The following CACNB2 variants were observed in gnomAD, a reference collection of about 807,000 sequenced individuals.
CACNB2 encodes voltage-dependent L-type calcium channel subunit beta-2.
Under a neutral mutation model 73.3 loss-of-function variants are expected in CACNB2, and 42 were observed. The ratio of observed to expected loss-of-function variants is 0.57; its 90% CI spans 0.45 to 0.74. The LOEUF is 0.74. Among genes scored for constraint, CACNB2 ranks in the 30% least tolerant of loss-of-function variants. The probability of loss-of-function intolerance (pLI) is 0.00; values close to 1 mark genes in which losing one functional copy is unlikely to be tolerated. For missense variants in CACNB2, 940 were observed against 853.0 expected, an observed-to-expected ratio of 1.10 and a Z score of -1.27; for synonymous variants, 348 against 310.3, an observed-to-expected ratio of 1.12 and a Z score of -1.28.
chr10:18,498,485 G>T lies in CACNB2; in HGVS notation c.456+8G>T, dbSNP rs770350965. On this transcript the variant is annotated splice_region_variant and intron_variant, in intron 4 of 13. Coordinates refer to ENST00000324631, the MANE Select transcript of CACNB2 (RefSeq NM_201596.3). The stretch of plus-strand genomic sequence containing the variant: ...TTTCTGCATGTTAAGGAAGTAAGGA[G>T]AATAATTTCATTTTCTAACAGCATG... 1 of 1,613,728 alleles carries T rather than the reference G, an allele frequency of 6.2e-7. No homozygotes were observed. The highest frequency in any genetic ancestry group is 2.2e-5 in the East Asian group (1 of 44,872).
chr10:18,500,234 G>A (rs1378448431), intron 4 of CACNB2, among the ~76,000 whole-genome samples: 1 of 152,114 alleles, frequency 6.6e-6, no homozygotes. Context: ...TTATTCAATC[G>A]AGGAAAAAGA....
chr10:18,449,458 G>A (rs908112701), intron 3 of CACNB2, among the ~76,000 whole-genome samples: 1 of 152,126 alleles, frequency 6.6e-6, no homozygotes, highest in South Asian at 2.1e-4. Flanking sequence ...GCAACAAGTC[G>A]GGAGGAACTT....
chr10:18,183,001 T>G (rs1396826530), intron 2 of CACNB2, among the ~76,000 whole-genome samples: 1 of 152,026 alleles, frequency 6.6e-6, no homozygotes, highest in Non-Finnish European at 1.5e-5. Context: ...GTAACATCTT[T>G]TTTTTTTTAA....
At chr10:18,384,798 TA>T (rs200615491) in intron 2 of CACNB2, among the ~76,000 whole-genome samples, 364 of 138,680 alleles carry the variant, frequency 2.6e-3, no homozygotes, top group Middle Eastern at 3.6e-3. Flanking sequence ...ATGAACATGG[TA>T]AAAAAAAAAA....
intron 2 of CACNB2, among the ~76,000 whole-genome samples, chr10:18,186,240 A>T (rs1588650385): frequency 6.6e-6 from 1 of 151,946 alleles, no homozygotes; most frequent in Non-Finnish European, 1.5e-5. Context: ...ACCAACATGG[A>T]GAAACCCCAT....
chr10:18,446,135 A>C (rs1224753939), intron 3 of CACNB2, among the ~76,000 whole-genome samples: 1 of 152,180 alleles, frequency 6.6e-6, no homozygotes, highest in Non-Finnish European at 1.5e-5. Flanking sequence ...AAATAAAGAA[A>C]CAGCCACAGC....
chr10:18,417,171 G>T (rs12783774), intron 3 of CACNB2, among the ~76,000 whole-genome samples: 2 of 138,266 alleles, frequency 1.4e-5, no homozygotes, highest in Non-Finnish European at 3.1e-5. Flanking sequence ...CTATTAAGAC[G>T]ATTTTAAAAG....
intron 2 of CACNB2, among the ~76,000 whole-genome samples, chr10:18,270,766 C>T (rs997888896): frequency 5.3e-5 from 8 of 152,154 alleles, no homozygotes; most frequent in African/African-American, 1.2e-4. Context: ...CTACCTTATC[C>T]TAATTATCCC....
intron 2 of CACNB2, among the ~76,000 whole-genome samples, chr10:18,378,364 A>G (rs1159871291): frequency 2.6e-5 from 4 of 152,236 alleles, no homozygotes; most frequent in Non-Finnish European, 4.4e-5. Flanking sequence ...TCTGCTTTTT[A>G]TAATTCTGTA....
intron 2 of CACNB2, among the ~76,000 whole-genome samples, chr10:18,282,617 G>C (rs1331747955): frequency 6.6e-6 from 1 of 152,158 alleles, no homozygotes; most frequent in African/African-American, 2.4e-5. Flanking sequence ...CACTCTTTCT[G>C]GCAAATATGA....
At chr10:18,214,748 C>G (rs1009352888) in intron 2 of CACNB2, among the ~76,000 whole-genome samples, 2 of 151,776 alleles carry the variant, frequency 1.3e-5, no homozygotes, top group Non-Finnish European at 2.9e-5. Context: ...ATTGTAGGAT[C>G]CTGGTGAGAG....
chr10:18,269,977 G>A (rs2037980777), intron 2 of CACNB2, among the ~76,000 whole-genome samples: 1 of 152,124 alleles, frequency 6.6e-6, no homozygotes, highest in Admixed American at 6.5e-5. Flanking sequence ...CCTAGTGCAG[G>A]CTGTTATTTT....
chr10:18,424,740 T>C (rs2045510428), intron 3 of CACNB2, among the ~76,000 whole-genome samples: 1 of 152,146 alleles, frequency 6.6e-6, no homozygotes, highest in Non-Finnish European at 1.5e-5. Context: ...AAGGTGTTCT[T>C]TTGAGACTGC....
intron 6 of CACNB2, among the ~76,000 whole-genome samples, chr10:18,508,112 C>G (rs903060987): frequency 2.6e-5 from 4 of 151,940 alleles, no homozygotes; most frequent in African/African-American, 9.7e-5. Context: ...GCTTTTTTTG[C>G]AATTCAAACC....
intron 2 of CACNB2, among the ~76,000 whole-genome samples, chr10:18,177,567 A>G (rs912627464): frequency 6.6e-6 from 1 of 151,792 alleles, no homozygotes; most frequent in African/African-American, 2.4e-5. Context: ...AGACACAGCA[A>G]GACTCCATCT....
intron 2 of CACNB2, among the ~76,000 whole-genome samples, chr10:18,187,585 CT>C (rs1028334541): frequency 5.3e-5 from 8 of 150,552 alleles, no homozygotes; most frequent in Non-Finnish European, 7.4e-5. Context: ...TTATATTTTT[CT>C]TTTTTTTTAA....
chr10:18,265,143 C>T (rs989918095), intron 2 of CACNB2, among the ~76,000 whole-genome samples: 1 of 146,430 alleles, frequency 6.8e-6, no homozygotes, highest in African/African-American at 2.5e-5. Flanking sequence ...ACCATTTGGC[C>T]ATCTTCTTTT....
intron 5 of CACNB2, among the ~76,000 whole-genome samples, chr10:18,502,526 T>TAA (rs113303130): frequency 7.6e-6 from 1 of 132,034 alleles, no homozygotes; most frequent in Admixed American, 7.7e-5. Flanking sequence ...CCGTCTCTAC[T>TAA]AAAAAAAAAA....
At chr10:18,261,359 A>G (rs1386625027) in intron 2 of CACNB2, 2 of 1,551,392 alleles carry the variant, frequency 1.3e-6, no homozygotes, top group African/African-American at 2.7e-5. Context: ...GGAGCTGAAA[A>G]TACTATTCGT....
Sources: allele counts gnomAD v4.1 joint callset (sites outside exome capture counted in the v4.1 genomes callset), GRCh38; gene constraint gnomAD v4.1.1; transcripts MANE v1.5; gene names NCBI Gene and HGNC (gene_info 2026-07-23, HGNC 2026-07-21).